Variants in EDIL3 observed in about 807,000 individuals in gnomAD.
EDIL3 encodes the protein EGF like and discoidin domains 3.
EDIL3 carries 37 observed loss-of-function variants against 67.4 expected under a neutral mutation model. The observed-to-expected ratio is 0.55, with a 90% CI of 0.42 to 0.72. The LOEUF (loss-of-function observed/expected upper bound fraction) is 0.72. Among genes scored for constraint, EDIL3 ranks in the 30% least tolerant of loss-of-function variants. The pLI, the probability that EDIL3 is intolerant of heterozygous loss-of-function variation, is 0.00. For synonymous variants in EDIL3, 195 were observed against 196.3 expected (o/e 0.99, Z 0.05); for missense variants, 527 against 586.3 (o/e 0.90, Z 1.04).
chr5:84,215,403 G>A (rs576436234), intron 3 of EDIL3, among the ~76,000 whole-genome samples: 11 of 151,966 alleles, frequency 7.2e-5, no homozygotes, highest in East Asian at 3.9e-4. Flanking sequence ...ACAGGCGCCC[G>A]CCACCACACC....
At chr5:84,147,666 T>A (rs1748312694) in intron 4 of EDIL3, among the ~76,000 whole-genome samples, 1 of 151,900 alleles carries the variant, frequency 6.6e-6, no homozygotes, top group Non-Finnish European at 1.5e-5. Flanking sequence ...TTTAAGGGAA[T>A]GAAATAAAAC....
At chr5:84,363,876 T>C (rs1204084925) in intron 1 of EDIL3, among the ~76,000 whole-genome samples, 2 of 152,162 alleles carry the variant, frequency 1.3e-5, no homozygotes, top group Admixed American at 1.3e-4. Flanking sequence ...GATATAAATA[T>C]ACTCATTTTA....
chr5:84,207,099 T>C (rs1190283826), intron 3 of EDIL3, among the ~76,000 whole-genome samples: 1 of 151,954 alleles, frequency 6.6e-6, no homozygotes, highest in African/African-American at 2.4e-5. Flanking sequence ...AAAGAGGGAG[T>C]CAAATTGTCC....
intron 4 of EDIL3, among the ~76,000 whole-genome samples, chr5:84,154,768 C>T (rs950248331): frequency 5.5e-5 from 8 of 144,302 alleles, no homozygotes; most frequent in Admixed American, 1.4e-4. Flanking sequence ...GGCCGGATCT[C>T]GGCTCACCGC....
intron 9 of EDIL3, among the ~76,000 whole-genome samples, chr5:84,050,479 T>G (rs534310862): frequency 6.6e-6 from 1 of 152,224 alleles, no homozygotes; most frequent in South Asian, 2.1e-4. Flanking sequence ...GGACAGTGGG[T>G]GCAGTGCACT....
intron 9 of EDIL3, among the ~76,000 whole-genome samples, chr5:84,046,603 A>T (rs1746228652): frequency 6.6e-6 from 1 of 152,206 alleles, no homozygotes; most frequent in Admixed American, 6.5e-5. Context: ...AATTGATTCT[A>T]ATTTTATTTA....
At chr5:84,323,739 C>T (rs1378833949) in intron 1 of EDIL3, among the ~76,000 whole-genome samples, 1 of 151,760 alleles carries the variant, frequency 6.6e-6, no homozygotes, top group African/African-American at 2.4e-5. Flanking sequence ...AGTCCATGCA[C>T]ATTGTAACCA....
intron 9 of EDIL3, among the ~76,000 whole-genome samples, chr5:84,044,504 G>A (rs1746186817): frequency 6.6e-6 from 1 of 152,052 alleles, no homozygotes; most frequent in African/African-American, 2.4e-5. Flanking sequence ...TGTTTTAAAG[G>A]ACTGCATTTT....
At chr5:84,020,407 T>C (rs912721313) in intron 9 of EDIL3, among the ~76,000 whole-genome samples, 2 of 152,070 alleles carry the variant, frequency 1.3e-5, no homozygotes, top group South Asian at 2.1e-4. Flanking sequence ...ACTCATTTCT[T>C]ATTACAATCT....
At chr5:84,313,813 G>A (rs947501172) in intron 1 of EDIL3, among the ~76,000 whole-genome samples, 3 of 152,166 alleles carry the variant, frequency 2.0e-5, no homozygotes, top group African/African-American at 7.2e-5. Flanking sequence ...CAGTCAAATT[G>A]TGTATACTTA....
chr5:84,180,008 G>GTC (rs1748986801), intron 4 of EDIL3, among the ~76,000 whole-genome samples: 1 of 147,806 alleles, frequency 6.8e-6, no homozygotes, highest in African/African-American at 2.5e-5. Flanking sequence ...TTTGTGTTTT[G>GTC]TTTTTTTTTT....
intron 1 of EDIL3, among the ~76,000 whole-genome samples, chr5:84,340,534 CTATATATATATATATATATATA>C (rs776456328): frequency 1.8e-5 from 1 of 54,196 alleles, no homozygotes; most frequent in Non-Finnish European, 3.6e-5. Context: ...CTCTCTCTCT[CTATATATATATATATATATATA>C]TATATATATA....
chr5:84,345,727 GT>G (rs1183004219), intron 1 of EDIL3, among the ~76,000 whole-genome samples: 6 of 152,050 alleles, frequency 3.9e-5, no homozygotes, highest in Non-Finnish European at 7.4e-5. Context: ...AAGATAATTT[GT>G]TTTTTTAAAA....
At chr5:84,258,189 A>C (rs1745157295) in intron 1 of EDIL3, among the ~76,000 whole-genome samples, 1 of 152,240 alleles carries the variant, frequency 6.6e-6, no homozygotes, top group African/African-American at 2.4e-5. Flanking sequence ...GGGTTCTCCA[A>C]GAAGGAGATG....
chr5:84,194,371 AC>A (rs1743656048), intron 3 of EDIL3, among the ~76,000 whole-genome samples: 1 of 151,928 alleles, frequency 6.6e-6, no homozygotes, highest in Non-Finnish European at 1.5e-5. Flanking sequence ...GCCAGTTTAA[AC>A]CCTTTTACTC....
At chr5:84,057,973 T>C (rs959121466) in intron 9 of EDIL3, among the ~76,000 whole-genome samples, 1 of 152,094 alleles carries the variant, frequency 6.6e-6, no homozygotes, top group Non-Finnish European at 1.5e-5. Context: ...ACAGACGATG[T>C]AGTAGTATAC....
intron 1 of EDIL3, among the ~76,000 whole-genome samples, chr5:84,356,058 T>G (rs949252829): frequency 6.6e-6 from 1 of 152,196 alleles, no homozygotes; most frequent in Non-Finnish European, 1.5e-5. Context: ...CTAACAATAT[T>G]AAACATAATG....
rs574418911 is a variant in EDIL3 at position 84,352,961 on chromosome 5, C to G, written c.67+31347G>C. Among the ~76,000 whole-genome samples the G allele has an allele frequency of 2.6e-5, 4 of 152,152 alleles. No homozygotes were observed. In the East Asian group the frequency reaches 5.8e-4, roughly 22 times the overall value. On this transcript the variant is annotated intron_variant, in intron 1 of 10. Coordinates refer to ENST00000296591, the MANE Select transcript of EDIL3 (RefSeq NM_005711.5). ...TATACAAACAGCATAGGTATTGGGG[C>G]AGGAACAGCAGGTTTTTGTATCAGG...
intron 10 of EDIL3, among the ~76,000 whole-genome samples, chr5:83,953,493 G>A (rs1744454825): frequency 6.6e-6 from 1 of 151,772 alleles, no homozygotes; most frequent in Non-Finnish European, 1.5e-5. Context: ...AGAAATAAAA[G>A]TGCAATTTTG....
Sources: allele counts gnomAD v4.1 joint callset (sites outside exome capture counted in the v4.1 genomes callset), GRCh38; gene constraint gnomAD v4.1.1; transcripts MANE v1.5; gene names NCBI Gene and HGNC (gene_info 2026-07-23, HGNC 2026-07-21).